Variants in ASIC2 observed in about 807,000 individuals in gnomAD.
ASIC2 encodes the protein acid-sensing ion channel 2.
Under a neutral mutation model 57.3 loss-of-function variants are expected in ASIC2, and 25 were observed. That is an observed-to-expected ratio of 0.44 (90% CI 0.32 to 0.61). The LOEUF (loss-of-function observed/expected upper bound fraction) is 0.61, where lower values mean the gene tolerates loss of function less well. Ranked by LOEUF, ASIC2 falls within the 20% of genes least tolerant of loss-of-function variation. ASIC2 has a pLI of 0.06. For missense variants in ASIC2, 641 were observed against 738.1 expected, an observed-to-expected ratio of 0.87 and a Z score of 1.52; for synonymous variants, 319 against 307.5, an observed-to-expected ratio of 1.04 and a Z score of -0.39.
intron 1 of ASIC2, among the ~76,000 whole-genome samples, chr17:34,099,736 AAGAAAG>A: frequency 4.8e-3 from 2 of 414 alleles, no homozygotes; most frequent in African/African-American, 9.3e-3. Flanking sequence ...GAAAGAAGGA[AAGAAAG>A]AAAGAAAGAA....
intron 1 of ASIC2, among the ~76,000 whole-genome samples, chr17:33,903,312 A>C (rs1915270504): frequency 6.6e-6 from 1 of 152,212 alleles, no homozygotes; most frequent in Non-Finnish European, 1.5e-5. Context: ...TCCAGCCAGC[A>C]ATCTCCATAC....
At chr17:33,114,634 T>C (rs1299879525) in intron 1 of ASIC2, among the ~76,000 whole-genome samples, 1 of 152,238 alleles carries the variant, frequency 6.6e-6, no homozygotes, top group African/African-American at 2.4e-5. Context: ...AGCTGTGATC[T>C]TGGCCCTGCC....
intron 1 of ASIC2, among the ~76,000 whole-genome samples, chr17:34,145,336 A>G (rs1396185464): frequency 6.6e-6 from 1 of 152,120 alleles, no homozygotes; most frequent in Non-Finnish European, 1.5e-5. Context: ...ATCTATTATC[A>G]GTTTTTTTTC....
At chr17:33,140,620 G>A (rs930492628) in intron 1 of ASIC2, among the ~76,000 whole-genome samples, 11 of 152,202 alleles carry the variant, frequency 7.2e-5, no homozygotes, top group Non-Finnish European at 1.5e-4. Flanking sequence ...TGCTGTGTTT[G>A]TTTAAGGTGG....
chr17:33,478,739 C>T (rs1913309520), intron 1 of ASIC2, among the ~76,000 whole-genome samples: 1 of 152,136 alleles, frequency 6.6e-6, no homozygotes, highest in Admixed American at 6.5e-5. Flanking sequence ...AACTGAGGCC[C>T]AGCTAGGAGA....
At chr17:33,129,833 G>T (rs557755874) in intron 1 of ASIC2, among the ~76,000 whole-genome samples, 11 of 152,250 alleles carry the variant, frequency 7.2e-5, no homozygotes, top group Non-Finnish European at 1.0e-4. Flanking sequence ...GATGGAGGTT[G>T]TTAGGTGGAG....
At chr17:33,720,244 A>T (rs1479061984) in intron 1 of ASIC2, among the ~76,000 whole-genome samples, 1 of 152,204 alleles carries the variant, frequency 6.6e-6, no homozygotes, top group East Asian at 1.9e-4. Flanking sequence ...TATTTAAAGA[A>T]TCTAAAGAAA....
At chr17:33,468,940 C>G (rs1473260126) in intron 1 of ASIC2, among the ~76,000 whole-genome samples, 1 of 152,132 alleles carries the variant, frequency 6.6e-6, no homozygotes, top group African/African-American at 2.4e-5. Flanking sequence ...ATGGGGAATG[C>G]TGGGCATATG....
At chr17:33,493,377 G>A (rs116746062) in intron 1 of ASIC2, among the ~76,000 whole-genome samples, 3 of 152,140 alleles carry the variant, frequency 2.0e-5, no homozygotes, top group East Asian at 1.9e-4. Flanking sequence ...TCTGGGATAC[G>A]CTTCACCCAG....
chr17:33,455,050 C>T (rs920080162), intron 1 of ASIC2, among the ~76,000 whole-genome samples: 20 of 152,172 alleles, frequency 1.3e-4, no homozygotes, highest in South Asian at 8.3e-4. Flanking sequence ...TGAGGTGTCC[C>T]GAGGTATCCC....
intron 1 of ASIC2, among the ~76,000 whole-genome samples, chr17:33,979,657 T>C (rs993560169): frequency 6.6e-6 from 1 of 152,140 alleles, no homozygotes; most frequent in African/African-American, 2.4e-5. Context: ...TCTCACTTTT[T>C]CCCCTTCTTA....
At chr17:33,947,320 C>G (rs1388285302) in intron 1 of ASIC2, among the ~76,000 whole-genome samples, 1 of 152,178 alleles carries the variant, frequency 6.6e-6, no homozygotes, top group Non-Finnish European at 1.5e-5. Context: ...AAAAGGAGTA[C>G]AGCTCCATTG....
chr17:33,541,194 A>G (rs966984944), intron 1 of ASIC2: 4 of 152,174 alleles, frequency 2.6e-5, no homozygotes, highest in Non-Finnish European at 5.9e-5. Context: ...CAATCCCAAC[A>G]TTGTTAGAGC....
At chr17:33,642,220 CCA>C (rs755026912) in intron 1 of ASIC2, among the ~76,000 whole-genome samples, 1 of 139,224 alleles carries the variant, frequency 7.2e-6, no homozygotes, top group Non-Finnish European at 1.6e-5. Context: ...CCCCCCCCCC[CCA>C]CACACAATGG....
chr17:33,285,498 A>G (rs1174997237), intron 1 of ASIC2, among the ~76,000 whole-genome samples: 1 of 152,202 alleles, frequency 6.6e-6, no homozygotes, highest in African/African-American at 2.4e-5. Context: ...GCCCACTTGA[A>G]TACAGAACTT....
intron 1 of ASIC2, among the ~76,000 whole-genome samples, chr17:34,050,106 G>A (rs1019722918): frequency 1.3e-5 from 2 of 152,188 alleles, no homozygotes; most frequent in Non-Finnish European, 1.5e-5. Context: ...TCCCAAAACT[G>A]AGCACCATTA....
chr17:33,298,376 C>G (rs11657246), intron 1 of ASIC2, among the ~76,000 whole-genome samples: 39,243 of 151,996 alleles, frequency 0.26, 5,573 homozygotes, highest in Middle Eastern at 0.38. Context: ...TGATAGATTG[C>G]TGAGAATGAT....
chr17:34,147,639 T>C (rs554043437), intron 1 of ASIC2, among the ~76,000 whole-genome samples: 1 of 152,268 alleles, frequency 6.6e-6, no homozygotes, highest in East Asian at 1.9e-4. Flanking sequence ...ATGAGTGAAA[T>C]ATGATATATG....
chr17:33,932,664 G>A (rs1308735230), intron 1 of ASIC2: 46 of 119,554 alleles, frequency 3.8e-4, no homozygotes, highest in Admixed American at 1.6e-3. Flanking sequence ...AGTGAGCCAA[G>A]ATCATACCAT....
Sources: gnomAD v4.1 joint callset for allele counts (sites outside exome capture counted in the v4.1 genomes callset) on GRCh38, gnomAD v4.1.1 for gene constraint, MANE v1.5 for transcripts, NCBI Gene and HGNC (gene_info 2026-07-23, HGNC 2026-07-21) for gene names.